NEK1: variants seen among roughly 807,000 people sequenced by gnomAD.
NEK1 encodes the protein NIMA related kinase 1.
A neutral mutation model predicts 182.1 loss-of-function variants in NEK1; 137 were observed. The ratio of observed to expected loss-of-function variants is 0.75; its 90% CI spans 0.65 to 0.87. The LOEUF (loss-of-function observed/expected upper bound fraction) is 0.87. Among genes scored for constraint, NEK1 ranks in the 40% least tolerant of loss-of-function variants. The pLI is 0.00. For synonymous variants in NEK1, 513 were observed against 492.2 expected, an observed-to-expected ratio of 1.04 and a Z score of -0.56; for missense variants, 1,391 against 1,494.4, an observed-to-expected ratio of 0.93 and a Z score of 1.14.
Position 169,592,338 on chromosome 4 carries a change from C to T in NEK1, c.313-1529G>A, listed in dbSNP as rs370408106. Among the ~76,000 whole-genome samples the T allele has an allele frequency of 4.6e-5, 7 of 152,122 alleles. No individual in the cohort carries two copies. The East Asian group carries it at 7.7e-4, about 17-fold the overall frequency. Reference sequence around the variant, plus strand: ...ACAACCTGAATGTTCATCAAGGGGCCTGATTAAATATATTGTATGATCCCT... The same window carrying T: ...ACAACCTGAATGTTCATCAAGGGGCTTGATTAAATATATTGTATGATCCCT... On this transcript the variant is annotated intron_variant, in intron 5 of 35. Transcript: ENST00000507142.
At chr4:169,518,442 C>G (rs1002591259) in intron 19 of NEK1, among the ~76,000 whole-genome samples, 2 of 136,124 alleles carry the variant, frequency 1.5e-5, no homozygotes, top group South Asian at 4.7e-4. Context: ...TTTGTTGATC[C>G]TTTCAAAAAA....
rs1361614181 is a variant in NEK1 at position 169,400,625 on chromosome 4, C to T, written c.3610G>A (p.Glu1204Lys). 6.3e-7 allele frequency: 1 copy of T among 1,597,240 alleles called. No homozygotes were observed. Among genetic ancestry groups the T allele is most frequent in the East Asian group, 2.2e-5 (1 of 44,512 alleles). ...TTAAAGACACTATCGCATTCACATT[C>T]ACTAGCAATTTCACCATCACTGTTA... ...SDNSDGEIAS[E>K]CECDSVFNHL... The change falls in exon 34 of 36, where the codon GAA becomes AAA. Residue 1204 changes from glutamate to lysine, a missense_variant. Glu to Lys is a moderately conservative substitution (Grantham distance 56, BLOSUM62 1). Transcript: ENST00000507142.
At chr4:169,603,093 T>C (rs6553444) in intron 2 of NEK1, among the ~76,000 whole-genome samples, 13,569 of 152,212 alleles carry the variant, frequency 0.089, 791 homozygotes, top group African/African-American at 0.16. Context: ...AGAACAATTT[T>C]GGATAGTTTT....
intron 2 of NEK1, among the ~76,000 whole-genome samples, chr4:169,608,710 G>A (rs1202035235): frequency 6.6e-6 from 1 of 152,136 alleles, no homozygotes; most frequent in Non-Finnish European, 1.5e-5. Flanking sequence ...TTAACACTGA[G>A]AATGAATACA....
rs543754842 is a variant in NEK1 at position 169,587,664 on chromosome 4, A to G, written c.552-51T>C. 18 of 1,158,034 alleles carry G rather than the reference A, an allele frequency of 1.6e-5. No individual in the cohort carries two copies. In the South Asian group the frequency reaches 2.3e-4, roughly 15 times the overall value. The allele number at this position is 1,158,034 out of a possible 1,614,324, so 71.7% of individuals were successfully genotyped here. A position where few individuals can be genotyped will look rare whatever the true frequency, so the allele number is the denominator to read the frequency against. ...TCCTCTAAGTATTTCAAATTTTTTCATTTAAAGGAAACACAAACAGCATAA... is the reference window on the plus strand; with the variant it reads ...TCCTCTAAGTATTTCAAATTTTTTCGTTTAAAGGAAACACAAACAGCATAA... On this transcript the variant is annotated intron_variant, in intron 8 of 35. Transcript: ENST00000507142.
intron 12 of NEK1, among the ~76,000 whole-genome samples, chr4:169,569,292 G>A (rs983912138): frequency 3.9e-5 from 6 of 152,088 alleles, no homozygotes; most frequent in Admixed American, 1.3e-4. Flanking sequence ...TTTAAAAATG[G>A]ATACATAATA....
At chr4:169,602,487 A>G in intron 3 of NEK1, 27 bp downstream of exon 3, 1 of 1,275,732 alleles carries the variant, frequency 7.8e-7, no homozygotes, top group East Asian at 2.3e-5. Flanking sequence ...ACCATTACTC[A>G]TGAAACCAAA....
rs142236342 is a variant in NEK1 at position 169,585,389 on chromosome 4, C to T, written c.767G>A (p.Gly256Asp). ...CTTTTCAATGCGTTTGGCTATAAAACCTTTCTCCAATATGGAGTTGACTGA... is the reference window on the plus strand; with the variant it reads ...CTTTTCAATGCGTTTGGCTATAAAATCTTTCTCCAATATGGAGTTGACTGA... ...RPSVNSILEK[G>D]FIAKRIEKFL... The change falls in exon 10 of 36, where the codon GGT becomes GAT. Residue 256 changes from glycine (G) to aspartate (D), a missense_variant. By Grantham distance (94) the Gly-to-Asp change is moderately conservative. Transcript: ENST00000507142. 6 of 1,613,406 alleles carry T rather than the reference C, an allele frequency of 3.7e-6. No individual in the cohort carries two copies. In the African/African-American group the frequency reaches 4.0e-5, roughly 11 times the overall value.
At chr4:169,434,003 T>G (rs1244162469) in intron 28 of NEK1, among the ~76,000 whole-genome samples, 2 of 152,138 alleles carry the variant, frequency 1.3e-5, no homozygotes, top group African/African-American at 4.8e-5. Context: ...AAAAACAGTT[T>G]AAAGAATAAA....
intron 23 of NEK1, among the ~76,000 whole-genome samples, chr4:169,480,149 A>G (rs1285108857): frequency 6.6e-6 from 1 of 152,190 alleles, no homozygotes; most frequent in Non-Finnish European, 1.5e-5. Context: ...CACAGCAGGA[A>G]GTTTACTCCC....
intron 27 of NEK1, among the ~76,000 whole-genome samples, chr4:169,454,508 G>A (rs935035671): frequency 6.6e-6 from 1 of 152,124 alleles, no homozygotes; most frequent in Non-Finnish European, 1.5e-5. Context: ...CCATCAAAAG[G>A]TGGGGAAAAG....
intron 23 of NEK1, among the ~76,000 whole-genome samples, chr4:169,491,503 T>C (rs746591892): frequency 2.0e-5 from 3 of 152,134 alleles, no homozygotes; most frequent in Non-Finnish European, 2.9e-5. Flanking sequence ...AACAATACTA[T>C]ACTTAGAAAA....
intron 18 of NEK1, among the ~76,000 whole-genome samples, chr4:169,545,970 C>T (rs775924717): frequency 2.1e-4 from 32 of 152,136 alleles, no homozygotes; most frequent in Non-Finnish European, 3.8e-4. Flanking sequence ...TAGGAAGAAT[C>T]AATATCGTGA....
At chr4:169,462,700 A>C (rs1744190099) in intron 27 of NEK1, among the ~76,000 whole-genome samples, 1 of 152,048 alleles carries the variant, frequency 6.6e-6, no homozygotes, top group Non-Finnish European at 1.5e-5. Context: ...GGAAAAGTAC[A>C]CTCCACTTCC....
At chr4:169,530,597 A>G (rs1561356735) in intron 19 of NEK1, among the ~76,000 whole-genome samples, 1 of 152,066 alleles carries the variant, frequency 6.6e-6, no homozygotes, top group African/African-American at 2.4e-5. Flanking sequence ...TTTTCAATTT[A>G]CAATAGTTTA....
intron 21 of NEK1, 125 bp downstream of exon 21, chr4:169,508,123 T>C: frequency 1.2e-6 from 1 of 807,462 alleles, no homozygotes; most frequent in East Asian, 2.9e-5. Flanking sequence ...TTTTTTGATC[T>C]TTGAACTTCC....
chr4:169,409,968 G>T (rs1387058149), intron 31 of NEK1, among the ~76,000 whole-genome samples: 1 of 151,876 alleles, frequency 6.6e-6, no homozygotes, highest in Non-Finnish European at 1.5e-5. Context: ...TTTCTTATTT[G>T]TTTGAGTTCC....
intron 27 of NEK1, among the ~76,000 whole-genome samples, chr4:169,447,446 G>C (rs970865165): frequency 6.6e-6 from 1 of 152,250 alleles, no homozygotes. Context: ...GGACAATAAT[G>C]AGTAATAAGA....
At position 169,513,673 on chromosome 4, in the gene NEK1, C is replaced by T. The variant is rs370922993; in HGVS notation, c.1666-4821G>A. On this transcript the variant is annotated intron_variant, in intron 19 of 35. Transcript: ENST00000507142. ...TAGAGGGAAATCCTTCAGTCTTCTA[C>T]CTGTATAATATTAGATGCAGGGTTT... Among the ~76,000 whole-genome samples, 9 of 152,248 alleles carry T rather than the reference C, an allele frequency of 5.9e-5. 1 individual carries two copies. Among genetic ancestry groups the T allele is most frequent in the African/African-American group, 2.2e-4 (9 of 41,558 alleles).
Sources: allele counts gnomAD v4.1 joint callset (sites outside exome capture counted in the v4.1 genomes callset), GRCh38; gene constraint gnomAD v4.1.1; transcripts MANE v1.5; gene names NCBI Gene and HGNC (gene_info 2026-07-23, HGNC 2026-07-21).